The following ZNG1E variants were observed in gnomAD, a reference collection of about 807,000 sequenced individuals.
ZNG1E encodes Zn regulated GTPase metalloprotein activator 1E.
At chr9:65,668,198 A>G in the ZNG1E span, among the ~76,000 whole-genome samples, 75 of 152,100 alleles carry the variant, frequency 4.9e-4, no homozygotes, top group South Asian at 0.013. Flanking sequence ...ATGCAAATAC[A>G]TATATTCATA....
the ZNG1E span, among the ~76,000 whole-genome samples, chr9:65,700,012 A>G: frequency 6.6e-6 from 1 of 151,028 alleles, no homozygotes; most frequent in Admixed American, 6.6e-5. Context: ...CAAATGGGTA[A>G]TGTGAAATCT....
At chr9:65,713,761 CG>C in the ZNG1E span, among the ~76,000 whole-genome samples, 1 of 148,498 alleles carries the variant, frequency 6.7e-6, no homozygotes. Flanking sequence ...GAGGGTAACC[CG>C]ACCTTTCTCT....
the ZNG1E span, among the ~76,000 whole-genome samples, chr9:65,710,982 C>T: frequency 2.1e-5 from 3 of 145,362 alleles, no homozygotes; most frequent in Non-Finnish European, 4.5e-5. Context: ...TCTTCCTACC[C>T]ATGAGCATGG....
the ZNG1E span, among the ~76,000 whole-genome samples, chr9:65,656,610 G>T: frequency 1.3e-5 from 2 of 152,280 alleles, no homozygotes; most frequent in African/African-American, 4.8e-5. Context: ...GCCAGATAAT[G>T]GTCCCTCTCC....
At chr9:65,668,413 C>G in the ZNG1E span, among the ~76,000 whole-genome samples, 1 of 147,478 alleles carries the variant, frequency 6.8e-6, no homozygotes, top group African/African-American at 2.5e-5. Context: ...CACGTTTTAT[C>G]CTAATACTTT....
chr9:65,708,700 G>C, the ZNG1E span: 1 of 923,746 alleles, frequency 1.1e-6, no homozygotes, highest in African/African-American at 1.7e-5. Context: ...ATAATTGGAA[G>C]TTTAAAAAAA....
the ZNG1E span, among the ~76,000 whole-genome samples, chr9:65,687,312 T>TTC: frequency 7.0e-6 from 1 of 142,038 alleles, no homozygotes; most frequent in Admixed American, 7.4e-5. Context: ...GTACTGTTGC[T>TTC]TCTCCATTCC....
the ZNG1E span, among the ~76,000 whole-genome samples, chr9:65,693,730 T>G: frequency 2.0e-5 from 3 of 151,624 alleles, no homozygotes; most frequent in Admixed American, 6.6e-5. Context: ...GCTAATTTTG[T>G]ATTTTTAGTA....
At chr9:65,707,912 T>C in the ZNG1E span, 1 of 146,418 alleles carries the variant, frequency 6.8e-6, no homozygotes, top group Non-Finnish European at 1.5e-5. Flanking sequence ...CAGGCTGGAG[T>C]GCAGTGGTGC....
the ZNG1E span, among the ~76,000 whole-genome samples, chr9:65,661,890 T>C: frequency 1.3e-5 from 2 of 152,378 alleles, no homozygotes; most frequent in Non-Finnish European, 2.9e-5. Flanking sequence ...CTTAAATGAG[T>C]GGCTAAGTTG....
At chr9:65,671,565 C>T in the ZNG1E span, among the ~76,000 whole-genome samples, 2 of 152,198 alleles carry the variant, frequency 1.3e-5, no homozygotes, top group Admixed American at 6.6e-5. Flanking sequence ...GGTGATCCAC[C>T]CGCCCTGGCT....
chr9:65,710,100 G>A, the ZNG1E span, among the ~76,000 whole-genome samples: 1 of 145,670 alleles, frequency 6.9e-6, no homozygotes, highest in Non-Finnish European at 1.5e-5. Flanking sequence ...TTCTCTGATG[G>A]CCAGTGATGG....
the ZNG1E span, among the ~76,000 whole-genome samples, chr9:65,710,205 GGTTTTTTCTTGTAAATTTGTTTGA>G: frequency 1.4e-5 from 2 of 145,920 alleles, no homozygotes; most frequent in Non-Finnish European, 3.0e-5. Flanking sequence ...GGGGTTGTTT[GGTTTTTTCTTGTAAATTTGTTTGA>G]GTTCATTGTA....
the ZNG1E span, among the ~76,000 whole-genome samples, chr9:65,663,592 T>C: frequency 6.7e-6 from 1 of 148,166 alleles, no homozygotes; most frequent in Non-Finnish European, 1.5e-5. Context: ...TATAGTTAAA[T>C]AGCTAGGATG....
the ZNG1E span, among the ~76,000 whole-genome samples, chr9:65,659,322 CT>C: frequency 6.7e-6 from 1 of 149,820 alleles, no homozygotes; most frequent in Non-Finnish European, 1.5e-5. Context: ...TGGTGAAACG[CT>C]GTCTCTACTA....
the ZNG1E span, chr9:65,677,206 C>A: frequency 6.5e-7 from 1 of 1,547,392 alleles, no homozygotes; most frequent in Admixed American, 2.0e-5. Context: ...CCCCTCGGGC[C>A]TTTCCCGTGT....
the ZNG1E span, among the ~76,000 whole-genome samples, chr9:65,660,828 GATATAT>G: frequency 0.22 from 27,299 of 125,158 alleles, 397 homozygotes; most frequent in East Asian, 0.26. Context: ...TGGTTATACA[GATATAT>G]ATATATATAT....
At chr9:65,675,536 C>T in the ZNG1E span, among the ~76,000 whole-genome samples, 73 of 148,496 alleles carry the variant, frequency 4.9e-4, no homozygotes, top group African/African-American at 8.9e-4. Context: ...TTTTTTTTAA[C>T]GAGACTAAAA....
the ZNG1E span, among the ~76,000 whole-genome samples, chr9:65,659,929 A>T: frequency 0.14 from 11,564 of 85,336 alleles, no homozygotes; most frequent in Non-Finnish European, 0.15. Flanking sequence ...CACCCCATCA[A>T]CTGAATCTAT....
Sources: gnomAD v4.1 joint callset for allele counts (sites outside exome capture counted in the v4.1 genomes callset) on GRCh38, gnomAD v4.1.1 for gene constraint, MANE v1.5 for transcripts, NCBI Gene and HGNC (gene_info 2026-07-23, HGNC 2026-07-21) for gene names.